Variants in SEC31A observed in about 807,000 individuals in gnomAD.
The protein encoded by SEC31A is SEC31 homolog A, COPII component, also known as protein transport protein Sec31A.
A neutral mutation model predicts 151.0 loss-of-function variants in SEC31A; 70 were observed. That is an observed-to-expected ratio of 0.46 (90% CI 0.38 to 0.57). The LOEUF (loss-of-function observed/expected upper bound fraction) is 0.57, where lower values mean the gene tolerates loss of function less well. SEC31A is among the 20% of genes least tolerant of loss of function. SEC31A has a pLI of 0.00. For missense variants in SEC31A, 1,330 were observed against 1,471.2 expected (o/e 0.90, Z 1.57); for synonymous variants, 475 against 505.9 (o/e 0.94, Z 0.82).
chr4:82,867,023 A>AT (rs1735564770), intron 9 of SEC31A, 63 bp from the exon 10 acceptor site: 5 of 1,573,206 alleles, frequency 3.2e-6, no homozygotes, highest in Middle Eastern at 3.5e-4. Context: ...TTTTCCAGTC[A>AT]TATCCAAAAA....
chr4:82,859,984 G>C (rs909847356), intron 14 of SEC31A, among the ~76,000 whole-genome samples: 1 of 152,024 alleles, frequency 6.6e-6, no homozygotes, highest in Non-Finnish European at 1.5e-5. Flanking sequence ...AGTAGAGGTG[G>C]TGTTTCACCG....
intron 16 of SEC31A, 61 bp from the exon 17 acceptor site, chr4:82,855,090 C>G: frequency 7.3e-7 from 1 of 1,376,614 alleles, no homozygotes; most frequent in South Asian, 1.5e-5. Context: ...AAAATTAATT[C>G]TGACTAATTA....
At position 82,880,919 on chromosome 4, in the gene SEC31A, G is replaced by A. The variant is rs1253805655; in HGVS notation, c.83C>T (p.Thr28Ile). The change falls in exon 3 of 27, where the codon ACA becomes ATA. Residue 28 changes from threonine (T) to isoleucine (I), a missense_variant. By Grantham distance (89) the Thr-to-Ile change is moderately conservative (BLOSUM62 -1). Transcript: ENST00000395310. ...QNHPIYLATG[T>I]SAQQLDATFS... ...TGTTGCATCCAATTGCTGAGCAGAT[G>A]TTCCTATAGAAAATATATTTATGGT... 1.2e-6 allele frequency: 2 copies of A among 1,603,270 alleles called. No homozygotes were observed. The highest frequency in any genetic ancestry group is 2.2e-5 in the South Asian group (2 of 89,276).
chr4:82,880,772 A>G, intron 3 of SEC31A, 27 bp downstream of exon 3: 4 of 1,574,460 alleles, frequency 2.5e-6, no homozygotes, highest in Non-Finnish European at 3.4e-6. Flanking sequence ...TTAAATAATC[A>G]CATGAATTTA....
In SEC31A at chr4:82,870,358, A is replaced by T. The variant is rs1428150336; in HGVS notation, c.849T>A (p.Ala283=). The T allele has an allele frequency of 6.2e-7, 1 of 1,613,988 alleles. No homozygotes were observed. Among genetic ancestry groups the T allele is most frequent in the Non-Finnish European group, 8.5e-7 (1 of 1,179,860 alleles). ...PELLLSCGKD[A]KILCSNPNTG... Reference sequence around the variant, plus strand: ...TGTTTGGATTGGAGCAGAGAATCTTAGCATCTTTTCCACAGCTCAGTAACA... The same window carrying T: ...TGTTTGGATTGGAGCAGAGAATCTTTGCATCTTTTCCACAGCTCAGTAACA... Residue 283 remains alanine (A), a synonymous_variant, in exon 8 of 27, where the codon GCT becomes GCA. Transcript: ENST00000395310.
rs780038626 is a variant in SEC31A, at chr4:82,851,597, A to G, written c.2162T>C (p.Ile721Thr). The G allele has an allele frequency of 4.4e-6, 7 of 1,608,534 alleles. No individual in the cohort carries two copies. The highest frequency in any genetic ancestry group is 2.2e-5 in the South Asian group (2 of 90,432). Reference protein sequence around the residue: ...GSHPLSLQDLIEKVVILRKAV... With the variant: ...GSHPLSLQDLTEKVVILRKAV... ...TTTTCGCAGGATGACAACTTTCTCA[A>G]TCAGATCCTAAATGAAAAAAATGAG... The change falls in exon 19 of 27, where the codon ATT (isoleucine) becomes ACT (threonine). Residue 721 changes from isoleucine to threonine, a missense_variant. Ile to Thr is a moderately conservative substitution (Grantham distance 89). Coordinates refer to ENST00000395310, the MANE Select transcript of SEC31A (RefSeq NM_001077207.4).
chr4:82,837,373 C>T (rs1283588007), intron 22 of SEC31A, among the ~76,000 whole-genome samples: 1 of 150,996 alleles, frequency 6.6e-6, no homozygotes, highest in East Asian at 1.9e-4. Context: ...TAAAAACTTC[C>T]TACAGTGAAA....
chr4:82,877,716 T>C (rs147476033), intron 4 of SEC31A: 2 of 51,392 alleles, frequency 3.9e-5, no homozygotes, highest in East Asian at 5.7e-4. Context: ...TTTCTTTTTT[T>C]GAGTTTTGCT....
At chr4:82,880,423 C>T (rs2125825400) in intron 3 of SEC31A, among the ~76,000 whole-genome samples, 1 of 151,128 alleles carries the variant, frequency 6.6e-6, no homozygotes, top group African/African-American at 2.4e-5. Context: ...AACCCTGTCG[C>T]TACTAAAGAC....
intron 22 of SEC31A, among the ~76,000 whole-genome samples, chr4:82,830,093 T>C (rs933021973): frequency 6.6e-6 from 1 of 152,192 alleles, no homozygotes; most frequent in Non-Finnish European, 1.5e-5. Context: ...ACAAGAAAAC[T>C]GTCAAACCAA....
chr4:82,871,683 T>A (rs1736705903), intron 7 of SEC31A: 1 of 526,508 alleles, frequency 1.9e-6, no homozygotes, highest in African/African-American at 1.9e-5. Flanking sequence ...TTTATAAAAC[T>A]ATAAAAATTT....
intron 21 of SEC31A, chr4:82,842,751 T>A: frequency 3.1e-6 from 1 of 320,960 alleles, no homozygotes; most frequent in Non-Finnish European, 5.8e-6. Context: ...ACTGCAAGAC[T>A]GACCCTTTTC....
intron 3 of SEC31A, 123 bp downstream of exon 3, chr4:82,880,676 A>G: frequency 1.2e-6 from 1 of 839,228 alleles, no homozygotes; most frequent in Non-Finnish European, 1.7e-6. Flanking sequence ...TTTTTCACAA[A>G]ATATTTCATG....
chr4:82,855,064 C>G, intron 16 of SEC31A, 35 bp from the exon 17 acceptor site: 1 of 1,549,800 alleles, frequency 6.5e-7, no homozygotes, highest in Non-Finnish European at 8.7e-7. Flanking sequence ...AATTAAAAGT[C>G]TTTAACATAG....
At chr4:82,839,875 G>A (rs1728341473) in intron 22 of SEC31A, among the ~76,000 whole-genome samples, 1 of 152,138 alleles carries the variant, frequency 6.6e-6, no homozygotes, top group Non-Finnish European at 1.5e-5. Context: ...CTAATCTCAA[G>A]GCCACAGGCA....
chr4:82,863,252 T>A, intron 12 of SEC31A, 66 bp downstream of exon 12: 1 of 929,148 alleles, frequency 1.1e-6, no homozygotes, highest in Non-Finnish European at 1.7e-6. Context: ...ATAATCTGTG[T>A]AGAACTTTAT....
At position 82,866,844 on chromosome 4, in the gene SEC31A, G is replaced by C. The variant is rs1201870024; in HGVS notation, c.1161C>G (p.Pro387=). 1 of 1,609,556 alleles carries C rather than the reference G, an allele frequency of 6.2e-7. No individual in the cohort carries two copies. The highest frequency in any genetic ancestry group is 1.3e-5 in the African/African-American group (1 of 74,680). Reference sequence around the variant, plus strand: ...CACCAACAGGCCTTCGAATCCACTTGGGCGGCTTCTTCAGAGGCAGCACTA... The same window carrying C: ...CACCAACAGGCCTTCGAATCCACTTCGGCGGCTTCTTCAGAGGCAGCACTA... The part of the protein sequence containing the change: ...HSIVLPLKKP[P]KWIRRPVGAS... Residue 387 remains proline (P), a synonymous_variant, in exon 10 of 27, where the codon CCC becomes CCG. Coordinates refer to ENST00000395310, the MANE Select transcript of SEC31A (RefSeq NM_001077207.4).
At chr4:82,850,681 C>T (rs1731279208) in intron 19 of SEC31A, among the ~76,000 whole-genome samples, 1 of 152,172 alleles carries the variant, frequency 6.6e-6, no homozygotes, top group Admixed American at 6.5e-5. Flanking sequence ...CGTACTTTTA[C>T]CCATGCTCCA....
rs541807804 is a variant in SEC31A at position 82,874,285 on chromosome 4, G to A, written c.639+326C>T. Among the ~76,000 whole-genome samples the A allele has an allele frequency of 3.2e-4, 47 of 148,744 alleles. No homozygotes were observed. The South Asian group carries it at 8.6e-3, about 27-fold the overall frequency. On this transcript the variant is annotated intron_variant, in intron 6 of 26. Transcript: ENST00000395310. Reference sequence around the variant, plus strand: ...TGTACTCCAGCCTGGGCGACAAAGCGAGACTCCGTCTCAAGAAAAAAAAAA... The same window carrying A: ...TGTACTCCAGCCTGGGCGACAAAGCAAGACTCCGTCTCAAGAAAAAAAAAA...
Sources: gnomAD v4.1 joint callset for allele counts (sites outside exome capture counted in the v4.1 genomes callset) on GRCh38, gnomAD v4.1.1 for gene constraint, MANE v1.5 for transcripts, NCBI Gene and HGNC (gene_info 2026-07-23, HGNC 2026-07-21) for gene names.